Variants in WAPL observed in about 807,000 individuals in gnomAD.
WAPL encodes WAPL cohesin release factor, also known as wings apart-like protein homolog.
A neutral mutation model predicts 121.0 loss-of-function variants in WAPL; 5 were observed. The observed-to-expected ratio is 0.04, with a 90% CI of 0.02 to 0.09. WAPL has a LOEUF of 0.09. WAPL is among the 10% of genes least tolerant of loss of function. WAPL has a pLI of 1.00. For missense variants in WAPL, 999 were observed against 1,410.8 expected (o/e 0.71, Z 4.68); for synonymous variants, 480 against 481.5 (o/e 1.00, Z 0.04).
chr10:86,493,005 G>A (rs1018742574), intron 4 of WAPL, among the ~76,000 whole-genome samples: 4 of 151,276 alleles, frequency 2.6e-5, no homozygotes, highest in Admixed American at 2.6e-4. Context: ...AGCTTGCAGT[G>A]AGCAGAGATG....
chr10:86,468,230 C>T (rs1490721363), intron 8 of WAPL, among the ~76,000 whole-genome samples: 1 of 151,940 alleles, frequency 6.6e-6, no homozygotes, highest in Non-Finnish European at 1.5e-5. Context: ...CAGGGTTTCA[C>T]TTTGTCATCC....
At chr10:86,517,465 A>G (rs570211376) in intron 2 of WAPL, 106 bp downstream of exon 2, 7 of 1,407,836 alleles carry the variant, frequency 5.0e-6, no homozygotes, top group South Asian at 3.1e-5. Context: ...CCCATGTATC[A>G]TAAGTGCAGA....
intron 2 of WAPL, among the ~76,000 whole-genome samples, chr10:86,512,156 C>CT (rs1390182012): frequency 6.6e-6 from 1 of 152,204 alleles, no homozygotes; most frequent in Non-Finnish European, 1.5e-5. Context: ...TCCTGTCCTA[C>CT]TTTAAACTTT....
chr10:86,461,380 T>C, intron 9 of WAPL, 93 bp from the exon 10 acceptor site: 15 of 883,284 alleles, frequency 1.7e-5, no homozygotes, highest in Non-Finnish European at 2.5e-5. Flanking sequence ...ATGCTACATG[T>C]AGTTTAACAC....
chr10:86,460,990 G>A (rs1015767447), intron 10 of WAPL, among the ~76,000 whole-genome samples, 186 bp downstream of exon 10: 4 of 152,174 alleles, frequency 2.6e-5, no homozygotes, highest in African/African-American at 9.7e-5. Context: ...TGGGATTACA[G>A]GCATGAGCCA....
At chr10:86,457,184 C>T (rs12261868) in intron 12 of WAPL, among the ~76,000 whole-genome samples, 2,845 of 152,140 alleles carry the variant, frequency 0.019, 94 homozygotes, top group African/African-American at 0.064. Context: ...AACCAGAATG[C>T]ATGCGGTAAG....
intron 1 of WAPL, 28 bp from the exon 2 acceptor site, chr10:86,518,119 T>C (rs775859005): frequency 6.3e-7 from 1 of 1,582,882 alleles, no homozygotes; most frequent in Non-Finnish European, 8.6e-7. Flanking sequence ...AGAAAACATA[T>C]AATCATCAAA....
intron 9 of WAPL, among the ~76,000 whole-genome samples, chr10:86,465,385 T>A (rs1002913395): frequency 1.3e-5 from 2 of 152,260 alleles, no homozygotes; most frequent in South Asian, 4.2e-4. Flanking sequence ...TTTGTATTTT[T>A]AGTGGAGATG....
chr10:86,440,420 T>C (rs957772848), intron 17 of WAPL, among the ~76,000 whole-genome samples: 2 of 151,776 alleles, frequency 1.3e-5, no homozygotes, highest in African/African-American at 4.8e-5. Flanking sequence ...CCCGAGTAGC[T>C]GGGACTACAG....
At position 86,460,466 on chromosome 10, in the gene WAPL, T is replaced by C; in HGVS notation, c.2513A>G (p.Asp838Gly). 1 of 1,613,588 alleles carries C rather than the reference T, an allele frequency of 6.2e-7. No homozygotes were observed. The highest frequency in any genetic ancestry group is 8.5e-7 in the Non-Finnish European group (1 of 1,179,924). Residue 838 changes from aspartate to glycine, a missense_variant, in exon 11 of 19, where the codon GAT becomes GGT. Physicochemically the swap from Asp to Gly is moderately conservative, Grantham distance 94. Coordinates refer to ENST00000298767, the MANE Select transcript of WAPL (RefSeq NM_015045.5). ...GGCTACCAGTTTCTCTTCATCCTCA[T>C]CTCTACTTAAATGATCCACACATTC... ...VKECVDHLSR[D>G]EDEEKLVASL...
At position 86,499,936 on chromosome 10, in the gene WAPL, G is replaced by T. The variant is rs943227371; in HGVS notation, c.1307C>A (p.Thr436Lys). The T allele has an allele frequency of 6.2e-7, 1 of 1,613,956 alleles. No individual in the cohort carries two copies. The highest frequency in any genetic ancestry group is 8.5e-7 in the Non-Finnish European group (1 of 1,179,974). ...LEFFGFEDHE[T>K]GGDEGGSGSS... ...TCCAGAACCTCCTTCATCACCTCCT[G>T]TCTCATGATCTTCAAAACCAAAAAA... The change falls in exon 3 of 19, where the codon ACA becomes AAA. Residue 436 changes from threonine to lysine, a missense_variant. Coordinates refer to ENST00000298767, the MANE Select transcript of WAPL (RefSeq NM_015045.5).
intron 4 of WAPL, among the ~76,000 whole-genome samples, chr10:86,476,121 T>C (rs543424323): frequency 1.3e-5 from 2 of 152,264 alleles, no homozygotes; most frequent in African/African-American, 2.4e-5. Context: ...ATCCCAGCAC[T>C]TTGGGAGGCT....
intron 1 of WAPL, among the ~76,000 whole-genome samples, 190 bp from the exon 2 acceptor site, chr10:86,518,281 T>C (rs1203595110): frequency 6.6e-6 from 1 of 152,180 alleles, no homozygotes; most frequent in Non-Finnish European, 1.5e-5. Flanking sequence ...TCCATGTCAA[T>C]TTTCCTCCAC....
chr10:86,466,865 A>G (rs1398848085), intron 9 of WAPL, among the ~76,000 whole-genome samples: 1 of 151,940 alleles, frequency 6.6e-6, no homozygotes, highest in Non-Finnish European at 1.5e-5. Flanking sequence ...TATCTGGCTG[A>G]TTTTTTTGTA....
rs192246472 is a variant in WAPL at position 86,508,904 on chromosome 10, C to T, written c.500-8161G>A. 4.6e-5 allele frequency among the ~76,000 whole-genome samples: 7 copies of T among 152,060 alleles called. 1 individual carries two copies. The highest frequency in any genetic ancestry group is 4.6e-4 in the Admixed American group (7 of 15,276). On this transcript the variant is annotated intron_variant, in intron 2 of 18. Coordinates refer to ENST00000298767, the MANE Select transcript of WAPL (RefSeq NM_015045.5). ...CCAAGTAACTGGGACTACAGGCGCC[C>T]GCCACCACGCCCGGCTAATTTTTTG...
intron 8 of WAPL, 33 bp downstream of exon 8, chr10:86,470,959 A>G (rs1841521749): frequency 6.3e-7 from 1 of 1,575,718 alleles, no homozygotes; most frequent in African/African-American, 1.4e-5. Flanking sequence ...TTTTCAACAT[A>G]AGGCTTCTCA....
chr10:86,451,304 A>T (rs183195670), intron 15 of WAPL, among the ~76,000 whole-genome samples: 3 of 152,178 alleles, frequency 2.0e-5, no homozygotes, highest in Admixed American at 6.5e-5. Flanking sequence ...AGGAGTGATT[A>T]TAACAGTCGA....
chr10:86,451,099 T>A (rs1840967100), intron 15 of WAPL, among the ~76,000 whole-genome samples: 1 of 151,836 alleles, frequency 6.6e-6, no homozygotes, highest in African/African-American at 2.4e-5. Flanking sequence ...TGGGCCTGGA[T>A]TCTTGACTTT....
At chr10:86,494,604 C>T (rs7913136) in intron 4 of WAPL, among the ~76,000 whole-genome samples, 133,005 of 152,162 alleles carry the variant, frequency 0.87, 58,579 homozygotes, top group Non-Finnish European at 0.92. Context: ...GTGGTATTAA[C>T]ATGGTTTTTC....
Sources: gnomAD v4.1 joint callset for allele counts (sites outside exome capture counted in the v4.1 genomes callset) on GRCh38, gnomAD v4.1.1 for gene constraint, MANE v1.5 for transcripts, NCBI Gene and HGNC (gene_info 2026-07-23, HGNC 2026-07-21) for gene names.